The following NTM variants were observed in gnomAD, a reference collection of about 807,000 sequenced individuals.
NTM encodes IgLON family member 2.
In NTM, 13 loss-of-function variants were observed where a neutral mutation model predicts 42.1. That is an observed-to-expected ratio of 0.31 (90% CI 0.20 to 0.49). The LOEUF (loss-of-function observed/expected upper bound fraction) is 0.49, where lower values mean the gene tolerates loss of function less well. Among genes scored for constraint, NTM ranks in the 20% least tolerant of loss-of-function variants. The pLI is 0.99. For synonymous variants in NTM, 187 were observed against 179.2 expected (o/e 1.04, Z -0.35); for missense variants, 373 against 452.8 (o/e 0.82, Z 1.60).
At chr11:131,831,467 GT>G (rs1565606477) in intron 1 of NTM, among the ~76,000 whole-genome samples, 3 of 152,036 alleles carry the variant, frequency 2.0e-5, no homozygotes, top group African/African-American at 7.3e-5. Context: ...AGCCTATGCC[GT>G]CCACACACCA....
chr11:131,401,826 A>ATATATATATGTG (rs1945229607), intron 1 of NTM, among the ~76,000 whole-genome samples: 1 of 60,566 alleles, frequency 1.7e-5, no homozygotes, highest in African/African-American at 7.1e-5. Flanking sequence ...ATATATATAT[A>ATATATATATGTG]TATATATATA....
At chr11:131,802,810 A>C (rs1196188592) in intron 1 of NTM, among the ~76,000 whole-genome samples, 1 of 152,128 alleles carries the variant, frequency 6.6e-6, no homozygotes, top group East Asian at 1.9e-4. Context: ...ACTCAGTGTT[A>C]TTTTCCCCCA....
chr11:131,772,824 T>A (rs1461084910), intron 1 of NTM, among the ~76,000 whole-genome samples: 1 of 152,118 alleles, frequency 6.6e-6, no homozygotes, highest in East Asian at 1.9e-4. Flanking sequence ...TTAAACCAAA[T>A]GCAAGAGGAT....
At chr11:131,634,638 C>A (rs12421928) in intron 1 of NTM, among the ~76,000 whole-genome samples, 23,284 of 100,796 alleles carry the variant, frequency 0.23, 2,345 homozygotes, top group Non-Finnish European at 0.33. Context: ...GGACAACCCA[C>A]TAGAAAAAAG....
chr11:131,839,025 A>G (rs181742386), intron 1 of NTM, among the ~76,000 whole-genome samples: 6 of 151,474 alleles, frequency 4.0e-5, no homozygotes, highest in Admixed American at 1.3e-4. Flanking sequence ...CAATGGCGCA[A>G]TCTCGGCTCA....
At chr11:132,314,458 C>T (rs573544561) in intron 6 of NTM, 94 bp from the exon 7 acceptor site, 30 of 1,361,760 alleles carry the variant, frequency 2.2e-5, no homozygotes, top group Middle Eastern at 2.4e-4. Context: ...GAAAGGGGGG[C>T]AAGGAGAAGA....
intron 1 of NTM, among the ~76,000 whole-genome samples, chr11:131,859,970 T>G (rs2046461167): frequency 6.6e-6 from 1 of 152,126 alleles, no homozygotes; most frequent in Admixed American, 6.5e-5. Context: ...GTCTGGAGGT[T>G]CCTTGGCAGA....
chr11:131,821,869 C>T (rs1349959299), intron 1 of NTM, among the ~76,000 whole-genome samples: 1 of 152,138 alleles, frequency 6.6e-6, no homozygotes, highest in Non-Finnish European at 1.5e-5. Flanking sequence ...TTTCTTAGGT[C>T]TACTAGTTCT....
chr11:131,801,372 G>A lies in NTM; in HGVS notation c.83-110192G>A, dbSNP rs189042422. Among the ~76,000 whole-genome samples the A allele has an allele frequency of 5.3e-4, 80 of 152,246 alleles. 2 individuals are homozygous for A. The highest frequency in any genetic ancestry group is 1.7e-3 in the African/African-American group (69 of 41,560). ...GTCCAGGTCATCCCTGAGCGAGGGAGAAGGCCAGTAGCCAGTCCTGGGGCC... is the reference window on the plus strand; with the variant it reads ...GTCCAGGTCATCCCTGAGCGAGGGAAAAGGCCAGTAGCCAGTCCTGGGGCC... On this transcript the variant is annotated intron_variant, in intron 1 of 8. Coordinates refer to ENST00000683400, the MANE Select transcript of NTM (RefSeq NM_001352005.2).
chr11:131,453,467 TAG>T (rs1950632248), intron 1 of NTM, among the ~76,000 whole-genome samples: 1 of 151,902 alleles, frequency 6.6e-6, no homozygotes, highest in South Asian at 2.1e-4. Flanking sequence ...GCATGAAGAA[TAG>T]AGACTACTTT....
At chr11:131,472,238 G>A (rs1262815574) in intron 1 of NTM, among the ~76,000 whole-genome samples, 1 of 152,166 alleles carries the variant, frequency 6.6e-6, no homozygotes, top group African/African-American at 2.4e-5. Flanking sequence ...ATTACACTGG[G>A]TATCCCCCCT....
intron 2 of NTM, among the ~76,000 whole-genome samples, chr11:131,985,916 C>A (rs1489029957): frequency 6.6e-6 from 1 of 152,168 alleles, no homozygotes. Context: ...AGTGAGTGTT[C>A]CACGAGTGTT....
At chr11:131,793,477 CA>C (rs1477477318) in intron 1 of NTM, among the ~76,000 whole-genome samples, 5 of 152,180 alleles carry the variant, frequency 3.3e-5, no homozygotes, top group Non-Finnish European at 7.3e-5. Context: ...GCAACTCTAG[CA>C]AATAGCAAGC....
chr11:132,275,736 GTA>G (rs1491307251), intron 4 of NTM, among the ~76,000 whole-genome samples: 775 of 37,700 alleles, frequency 0.021, 7 homozygotes, highest in African/African-American at 0.079. Context: ...GTATATATAC[GTA>G]TATATATATG....
chr11:131,546,358 G>A (rs768265585), intron 1 of NTM, among the ~76,000 whole-genome samples: 11 of 152,074 alleles, frequency 7.2e-5, no homozygotes, highest in Non-Finnish European at 1.3e-4. Flanking sequence ...AGGTTCCCAC[G>A]GCCCCGTTAG....
intron 1 of NTM, among the ~76,000 whole-genome samples, chr11:131,842,846 A>G (rs1356795854): frequency 6.6e-6 from 1 of 152,038 alleles, no homozygotes; most frequent in Non-Finnish European, 1.5e-5. Context: ...CCTCATTTCT[A>G]CTAAAAATAC....
chr11:132,324,832 A>G (rs2095645363), intron 7 of NTM, among the ~76,000 whole-genome samples: 1 of 150,432 alleles, frequency 6.6e-6, no homozygotes, highest in South Asian at 2.1e-4. Context: ...ATATAGATCA[A>G]TGGAACAGAA....
intron 1 of NTM, among the ~76,000 whole-genome samples, chr11:131,709,139 G>C (rs1055327464): frequency 2.6e-5 from 4 of 152,174 alleles, no homozygotes; most frequent in African/African-American, 9.7e-5. Context: ...CTGGTACAGA[G>C]TGAGCGGCAG....
intron 2 of NTM, among the ~76,000 whole-genome samples, chr11:132,055,921 C>T (rs1278800506): frequency 3.3e-5 from 5 of 152,172 alleles, no homozygotes; most frequent in Non-Finnish European, 5.9e-5. Flanking sequence ...GCACAGAACT[C>T]GGCACTCAGA....
Sources: gnomAD v4.1 joint callset for allele counts (sites outside exome capture counted in the v4.1 genomes callset) on GRCh38, gnomAD v4.1.1 for gene constraint, MANE v1.5 for transcripts, NCBI Gene and HGNC (gene_info 2026-07-23, HGNC 2026-07-21) for gene names.